Variants in DAB1 observed in about 807,000 individuals in gnomAD.
The protein encoded by DAB1 is disabled homolog 1.
A neutral mutation model predicts 64.6 loss-of-function variants in DAB1; 15 were observed. The ratio of observed to expected loss-of-function variants is 0.23; its 90% CI spans 0.16 to 0.36. The LOEUF (loss-of-function observed/expected upper bound fraction) is 0.36. Ranked by LOEUF, DAB1 falls within the 10% of genes least tolerant of loss-of-function variation. DAB1 has a pLI of 1.00. For synonymous variants in DAB1, 235 were observed against 251.9 expected (o/e 0.93, Z 0.64); for missense variants, 596 against 706.7 (o/e 0.84, Z 1.78).
upstream of DAB1, among the ~76,000 whole-genome samples, chr1:57,887,971 G>A (rs781064330): frequency 5.3e-5 from 8 of 152,166 alleles, no homozygotes; most frequent in Non-Finnish European, 7.3e-5. Context: ...TCACCAGAAT[G>A]TCTGACAATC....
chr1:58,016,202 C>A (rs141651360), intron 5 of DAB1, among the ~76,000 whole-genome samples: 2 of 152,188 alleles, frequency 1.3e-5, no homozygotes, highest in Non-Finnish European at 2.9e-5. Context: ...ATATTTTAGG[C>A]TTTGCTAGTC....
rs566547861 is a variant in DAB1 at position 57,007,201 on chromosome 1, C to T, written c.*15+3479G>A. 2.0e-5 allele frequency among the ~76,000 whole-genome samples: 3 copies of T among 152,282 alleles called. No individual in the cohort carries two copies. In the South Asian group the frequency reaches 6.2e-4, roughly 32 times the overall value. On this transcript the variant is annotated intron_variant, in intron 14 of 14. Transcript: ENST00000371236. ...AATGACAGCAACTTATTATTTATGG[C>T]AATATCTATTGTTACTAAGGGAGGC...
chr1:57,166,298 T>TACTTGACTCCAA, intron 2 of DAB1, among the ~76,000 whole-genome samples: 1 of 152,280 alleles, frequency 6.6e-6, no homozygotes, highest in East Asian at 1.9e-4. Context: ...CTCCAAATAA[T>TACTTGACTCCAA]GTATTTTCCC....
chr1:58,452,677 T>A (rs1434639935), intron 3 of DAB1, among the ~76,000 whole-genome samples: 27 of 130,456 alleles, frequency 2.1e-4, no homozygotes, highest in Non-Finnish European at 3.3e-4. Context: ...AAAAAAAAAA[T>A]TAGCTGGGCA....
chr1:58,015,989 A>C (rs2100441477), intron 5 of DAB1, among the ~76,000 whole-genome samples: 1 of 151,742 alleles, frequency 6.6e-6, no homozygotes, highest in African/African-American at 2.4e-5. Flanking sequence ...GCAGTGATGA[A>C]GGGACACAAA....
chr1:57,933,821 T>C (rs1644986059), intron 5 of DAB1, among the ~76,000 whole-genome samples: 1 of 152,286 alleles, frequency 6.6e-6, no homozygotes, highest in African/African-American at 2.4e-5. Flanking sequence ...AAAGCAGTTG[T>C]ACCGTTTTAT....
intron 4 of DAB1, among the ~76,000 whole-genome samples, chr1:58,188,524 G>A (rs1236738589): frequency 1.3e-5 from 2 of 152,240 alleles, no homozygotes; most frequent in South Asian, 2.1e-4. Flanking sequence ...AAGCTAAATC[G>A]TATAACCCCT....
chr1:57,225,661 T>C (rs777616014), intron 2 of DAB1, among the ~76,000 whole-genome samples: 2 of 152,188 alleles, frequency 1.3e-5, no homozygotes, highest in African/African-American at 4.8e-5. Flanking sequence ...AAGATTGCAA[T>C]GTATTACTGT....
chr1:58,265,775 A>G (rs1375136774), intron 4 of DAB1, among the ~76,000 whole-genome samples: 1 of 152,212 alleles, frequency 6.6e-6, no homozygotes, highest in East Asian at 1.9e-4. Context: ...GAATTTCCAC[A>G]TTGCATTTGA....
At chr1:57,761,519 C>T (rs566917614) in intron 6 of DAB1, among the ~76,000 whole-genome samples, 26 of 152,246 alleles carry the variant, frequency 1.7e-4, no homozygotes, top group African/African-American at 6.0e-4. Flanking sequence ...TTTCATTGCT[C>T]CAGCTTGCAG....
intron 5 of DAB1, among the ~76,000 whole-genome samples, chr1:57,998,633 G>A (rs1276046001): frequency 6.6e-6 from 1 of 151,998 alleles, no homozygotes; most frequent in Non-Finnish European, 1.5e-5. Flanking sequence ...CAAAGTGCTG[G>A]GATTACAGGC....
At chr1:57,543,254 T>C (rs1191496880) in intron 7 of DAB1, among the ~76,000 whole-genome samples, 1 of 152,198 alleles carries the variant, frequency 6.6e-6, no homozygotes, top group East Asian at 1.9e-4. Context: ...GATGAAATGG[T>C]TTAGGCAGAA....
rs1646687601 is a variant in DAB1 at position 57,023,535 on chromosome 1, G to C, written c.891C>G (p.Pro297=). The C allele has an allele frequency of 6.3e-7, 1 of 1,588,674 alleles. No individual in the cohort carries two copies. The highest frequency in any genetic ancestry group is 1.3e-5 in the African/African-American group (1 of 74,564). Residue 297 remains proline, a synonymous_variant, in exon 11 of 15, where the codon CCC becomes CCG. Coordinates refer to ENST00000371236, the MANE Select transcript of DAB1 (RefSeq NM_001365792.1). The part of the protein sequence containing the change: ...SSVPFGTAAV[P]SGYVAMGAVL... ...AGCTGGTGGAAGAGGGCTTACCTGA[G>C]GGTACAGCAGCAGTGCCGAAAGGTA...
chr1:57,702,618 T>C (rs1262309427), intron 6 of DAB1, among the ~76,000 whole-genome samples: 2 of 152,200 alleles, frequency 1.3e-5, no homozygotes, highest in Non-Finnish European at 2.9e-5. Context: ...TGAGCTCCTT[T>C]AGGATATATG....
rs1055975563 is a variant in DAB1, at chr1:57,635,458, T to G, written n.625+14134A>C. Among the ~76,000 whole-genome samples, 76 of 151,814 alleles carry G rather than the reference T, an allele frequency of 5.0e-4. 2 individuals carry two copies. The highest frequency in any genetic ancestry group is 5.0e-3 in the Admixed American group (76 of 15,242). On this transcript the variant is annotated intron_variant and non_coding_transcript_variant, in intron 7 of 20. Coordinates refer to the DAB1 transcript ENST00000485760. ...CTATGGCCTTAGGTTCTCATGGGAG[T>G]GTGAACCCTCTCATGGGAATGTGAA... is the stretch of plus-strand genomic sequence containing the variant.
At position 57,423,923 on chromosome 1, in the gene DAB1, G is replaced by GCCTCA. The variant is rs990150744; in HGVS notation, c.-137+2_-137+6dup. On this transcript the variant is annotated splice_region_variant and intron_variant, in intron 1 of 14. Transcript: ENST00000371236. Reference sequence around the variant, plus strand: ...AAGGGTTGCCGCGCGCCCCCGCCGCGCCTCACCTCGCCTAGCCCAGAGCAT... The same window carrying GCCTCA: ...AAGGGTTGCCGCGCGCCCCCGCCGCGCCTCACCTCACCTCGCCTAGCCCAGAGCAT... 1.3e-5 allele frequency: 2 copies of GCCTCA among 152,140 alleles called. No individual in the cohort carries two copies. The highest frequency in any genetic ancestry group is 6.5e-5 in the Admixed American group (1 of 15,278). 9.4% of individuals were successfully genotyped at this position (152,140 alleles called of 1,614,324 possible).
intron 6 of DAB1, among the ~76,000 whole-genome samples, chr1:57,772,179 C>G (rs769947847): frequency 1.3e-5 from 2 of 152,074 alleles, no homozygotes; most frequent in Non-Finnish European, 2.9e-5. Context: ...GGGCAGCCCC[C>G]TCTTGTGCTC....
intron 5 of DAB1, among the ~76,000 whole-genome samples, chr1:57,912,998 C>T (rs767936674): frequency 1.3e-5 from 2 of 152,094 alleles, no homozygotes; most frequent in East Asian, 1.9e-4. Context: ...GAATCAATAT[C>T]GTGAAAATGG....
At chr1:57,136,206 C>T (rs940145671) in intron 4 of DAB1, among the ~76,000 whole-genome samples, 9 of 152,028 alleles carry the variant, frequency 5.9e-5, no homozygotes, top group African/African-American at 2.2e-4. Flanking sequence ...GTATCTCCCT[C>T]TAGGACGTAT....
Sources: gnomAD v4.1 joint callset for allele counts (sites outside exome capture counted in the v4.1 genomes callset) on GRCh38, gnomAD v4.1.1 for gene constraint, MANE v1.5 for transcripts, NCBI Gene and HGNC (gene_info 2026-07-23, HGNC 2026-07-21) for gene names.